Variants in CCDC171 observed in about 807,000 individuals in gnomAD.
CCDC171 encodes the protein coiled-coil domain containing 171, also known as coiled-coil domain-containing protein 171.
Under a neutral mutation model 168.2 loss-of-function variants are expected in CCDC171, and 177 were observed. The ratio of observed to expected loss-of-function variants is 1.05; its 90% confidence interval spans 0.93 to 1.19. The LOEUF is 1.19. Among genes scored for constraint, CCDC171 ranks in the 50% most tolerant of loss-of-function variants. The pLI, the probability that CCDC171 is intolerant of heterozygous loss-of-function variation, is 0.00. For synonymous variants in CCDC171, 687 were observed against 540.8 expected (o/e 1.27, Z -3.75); for missense variants, 1,991 against 1,539.0 (o/e 1.29, Z -4.91).
intron 24 of CCDC171, among the ~76,000 whole-genome samples, chr9:15,911,736 A>G (rs1032593870): frequency 2.6e-5 from 4 of 152,208 alleles, no homozygotes; most frequent in Admixed American, 2.6e-4. Flanking sequence ...AGGTGTAAGG[A>G]AGGGGGTCCA....
intron 4 of CCDC171, chr9:15,588,495 G>T: frequency 3.2e-6 from 1 of 313,836 alleles, no homozygotes; most frequent in Non-Finnish European, 6.4e-6. Flanking sequence ...TGCAAAGAAG[G>T]GAGAAAAGGT....
intron 10 of CCDC171, among the ~76,000 whole-genome samples, chr9:15,691,169 T>G (rs925546443): frequency 6.6e-6 from 1 of 151,942 alleles, no homozygotes; most frequent in Non-Finnish European, 1.5e-5. Context: ...TCGTCACTAA[T>G]AGCAAAAAAA....
intron 21 of CCDC171, among the ~76,000 whole-genome samples, chr9:15,842,847 T>C (rs1377987931): frequency 6.6e-6 from 1 of 151,920 alleles, no homozygotes; most frequent in Non-Finnish European, 1.5e-5. Flanking sequence ...TATAATATTA[T>C]GTATGACTTA....
At chr9:15,988,935 T>G (rs931639037) in intron 3 of CCDC171, among the ~76,000 whole-genome samples, 2 of 152,012 alleles carry the variant, frequency 1.3e-5, no homozygotes, top group African/African-American at 4.8e-5. Flanking sequence ...GCCGGGAAGC[T>G]CGAACTGGGT....
At chr9:15,865,495 G>T (rs1383292058) in intron 23 of CCDC171, among the ~76,000 whole-genome samples, 4 of 151,748 alleles carry the variant, frequency 2.6e-5, no homozygotes, top group Non-Finnish European at 5.9e-5. Context: ...CCATGAGACA[G>T]CAAGACCAAC....
At chr9:15,645,049 A>G (rs2046926596) in intron 7 of CCDC171, among the ~76,000 whole-genome samples, 1 of 152,248 alleles carries the variant, frequency 6.6e-6, no homozygotes, top group Non-Finnish European at 1.5e-5. Flanking sequence ...CGAAGCTTCC[A>G]GAGGAACGAT....
At chr9:15,576,528 A>T (rs931795424) in intron 3 of CCDC171, among the ~76,000 whole-genome samples, 1 of 152,078 alleles carries the variant, frequency 6.6e-6, no homozygotes, top group African/African-American at 2.4e-5. Flanking sequence ...GCCCTTGAAG[A>T]GGATGTAGTC....
chr9:15,641,642 C>G (rs1482630560), intron 7 of CCDC171, among the ~76,000 whole-genome samples: 1 of 152,100 alleles, frequency 6.6e-6, no homozygotes, highest in Non-Finnish European at 1.5e-5. Context: ...AGACATTCTT[C>G]TCTATATTGC....
chr9:15,745,586 A>C lies in CCDC171; in HGVS notation c.2626A>C (p.Ile876Leu). 6.3e-7 allele frequency: 1 copy of C among 1,588,712 alleles called. No individual in the cohort carries two copies. The highest frequency in any genetic ancestry group is 8.6e-7 in the Non-Finnish European group (1 of 1,169,404). Residue 876 changes from isoleucine (I) to leucine (L), a missense_variant, in exon 18 of 26, where the codon ATA becomes CTA. Transcript: ENST00000380701. ...WLTSSDLLAA[I>L]ISSMAELQDV... ...CACCAGTTCTGACCTTCTTGCTGCA[A>C]TAATCAGTTCTATGGCTGAATTACA...
chr9:16,065,809 G>GGTGTGTGTGTGTGTGTGTGT (rs113107786), downstream of CCDC171, among the ~76,000 whole-genome samples: 4 of 144,234 alleles, frequency 2.8e-5, no homozygotes, highest in African/African-American at 7.9e-5. Context: ...TTGTGTGCAT[G>GGTGTGTGTGTGTGTGTGTGT]GTGTGTGTGT....
At chr9:15,570,737 A>C (rs1359574416) in intron 2 of CCDC171, among the ~76,000 whole-genome samples, 1 of 152,232 alleles carries the variant, frequency 6.6e-6, no homozygotes, top group Non-Finnish European at 1.5e-5. Context: ...CGTTCTGGCA[A>C]GAACATTCTG....
intron 18 of CCDC171, among the ~76,000 whole-genome samples, chr9:15,753,776 C>T (rs1461061434): frequency 6.6e-6 from 1 of 151,910 alleles, no homozygotes; most frequent in Non-Finnish European, 1.5e-5. Context: ...CTAAGAAACA[C>T]GACTTTGAGA....
rs79703293 is a variant in CCDC171 at position 15,955,630 on chromosome 9, A to C, written c.3754-15979A>C. 2.0e-4 allele frequency among the ~76,000 whole-genome samples: 30 copies of C among 152,246 alleles called. No homozygotes were observed. In the East Asian group the frequency reaches 5.6e-3, roughly 28 times the overall value. On this transcript the variant is annotated intron_variant, in intron 25 of 25. Coordinates refer to ENST00000380701, the MANE Select transcript of CCDC171 (RefSeq NM_173550.4). ...ATTTACTGTCCAAGCCTTCCCCTGG[A>C]AGTTGCAAGCCTTCAATAGACTCCA... is the stretch of plus-strand genomic sequence containing the variant.
chr9:16,107,125 GA>G, the CCDC171 span, among the ~76,000 whole-genome samples: 1 of 152,108 alleles, frequency 6.6e-6, no homozygotes, highest in East Asian at 1.9e-4. Flanking sequence ...GAAATTTGCA[GA>G]CATTTTTTTC....
intron 18 of CCDC171, among the ~76,000 whole-genome samples, chr9:15,758,649 C>T (rs2056272776): frequency 6.6e-6 from 1 of 152,002 alleles, no homozygotes; most frequent in Non-Finnish European, 1.5e-5. Flanking sequence ...TTGGCTGTGT[C>T]CCCACCCAAA....
At chr9:15,796,140 A>G (rs1202921510) in intron 21 of CCDC171, among the ~76,000 whole-genome samples, 1 of 152,238 alleles carries the variant, frequency 6.6e-6, no homozygotes, top group South Asian at 2.1e-4. Flanking sequence ...TGTTTTTTCA[A>G]GCATTCTAAG....
At chr9:16,069,138 C>T in the CCDC171 span, among the ~76,000 whole-genome samples, 1 of 152,198 alleles carries the variant, frequency 6.6e-6, no homozygotes, top group Non-Finnish European at 1.5e-5. Context: ...TTTTATTACA[C>T]TGGCGATTTA....
chr9:16,068,782 G>A, the CCDC171 span, among the ~76,000 whole-genome samples: 288 of 152,268 alleles, frequency 1.9e-3, no homozygotes, highest in African/African-American at 6.6e-3. Context: ...AGGATACGAT[G>A]TATTCTGGTT....
intron 3 of CCDC171, among the ~76,000 whole-genome samples, chr9:15,987,733 A>G (rs545023833): frequency 1.5e-4 from 23 of 151,774 alleles, no homozygotes; most frequent in Non-Finnish European, 2.1e-4. Flanking sequence ...AGTGCTGGGG[A>G]TGAGAAGTGT....
Sources: gnomAD v4.1 joint callset for allele counts (sites outside exome capture counted in the v4.1 genomes callset) on GRCh38, gnomAD v4.1.1 for gene constraint, MANE v1.5 for transcripts, NCBI Gene and HGNC (gene_info 2026-07-23, HGNC 2026-07-21) for gene names.